Variants in HIGD1B observed in about 807,000 individuals in gnomAD.
The protein encoded by HIGD1B is HIG1 hypoxia inducible domain family member 1B, also known as HIG1 domain family member 1B.
Under a neutral mutation model 8.8 loss-of-function variants are expected in HIGD1B, and 9 were observed. The observed-to-expected ratio is 1.02, with a 90% confidence interval of 0.62 to 1.78. The LOEUF (loss-of-function observed/expected upper bound fraction) is 1.78, where lower values mean the gene tolerates loss of function less well. Among genes scored for constraint, HIGD1B ranks in the 40% most tolerant of loss-of-function variants. The pLI is 0.00. For missense variants in HIGD1B, 126 were observed against 111.8 expected (o/e 1.13, Z -0.57); for synonymous variants, 47 against 38.8 (o/e 1.21, Z -0.78).
chr17:44,849,234 G>T lies in HIGD1B; in HGVS notation c.101-20G>T. On this transcript the variant is annotated intron_variant, in intron 1 of 2. Transcript: ENST00000253410. Reference sequence around the variant, plus strand: ...TGTGCATTGTGGCTGTGGCCCAGGGGCTGTGTTCTCTGCCCACAGGCTTAG... The same window carrying T: ...TGTGCATTGTGGCTGTGGCCCAGGGTCTGTGTTCTCTGCCCACAGGCTTAG... The T allele has an allele frequency of 6.2e-7, 1 of 1,613,524 alleles. No homozygotes were observed. The highest frequency in any genetic ancestry group is 8.5e-7 in the Non-Finnish European group (1 of 1,179,676).
Position 44,848,102 on chromosome 17 carries a change from G to C in HIGD1B, c.-51G>C. On this transcript the variant is annotated 5_prime_UTR_variant, in exon 1 of 3. Transcript: ENST00000253410. ...CTGATTGTGGAGTGCCTCTCTCTAG[G>C]ACGGGGCTGCAGCATAGGAGTCTCA... The C allele has an allele frequency of 1.2e-6, 1 of 840,826 alleles. No homozygotes were observed. The highest frequency in any genetic ancestry group is 2.1e-6 in the Non-Finnish European group (1 of 479,364). 52.1% of individuals were successfully genotyped at this position (840,826 alleles called of 1,614,324 possible).
In HIGD1B at chr17:44,848,774, AAT is replaced by A. The variant is rs766139741; in HGVS notation, c.101-465_101-464del. The stretch of plus-strand genomic sequence containing the variant: ...AAATGCCATTGAAGGGCAACAACTC[AAT>A]ATATATATATATATTTTTGAGATGG... On this transcript the variant is annotated intron_variant, in intron 1 of 2. Coordinates refer to ENST00000253410, the MANE Select transcript of HIGD1B (RefSeq NM_016438.4). 5.9e-3 allele frequency among the ~76,000 whole-genome samples: 893 copies of A among 150,200 alleles called. 11 individuals are homozygous for A. Among genetic ancestry groups the A allele is most frequent in the African/African-American group, 0.02 (836 of 40,976 alleles).
chr17:44,848,299 C>A, intron 1 of HIGD1B, 47 bp downstream of exon 1: 2 of 847,856 alleles, frequency 2.4e-6, no homozygotes, highest in South Asian at 2.7e-5. Flanking sequence ...CCTTCTCTGT[C>A]ATGTCTCCTG....
chr17:44,849,494 G>C (rs747284287), intron 2 of HIGD1B, 106 bp downstream of exon 2: 20 of 1,314,210 alleles, frequency 1.5e-5, no homozygotes, highest in Non-Finnish European at 2.0e-5. Context: ...GGGCGCGGTG[G>C]TTCACGCCTG....
chr17:44,848,389 G>C lies in HIGD1B; in HGVS notation c.100+137G>C. ...CGGAACAAGGGAAACAACAGCAAAG[G>C]TGCCAAGGGGCAAACCCTTACAATG... On this transcript the variant is annotated intron_variant, in intron 1 of 2. Transcript: ENST00000253410. 4 of 621,320 alleles carry C rather than the reference G, an allele frequency of 6.4e-6. No individual in the cohort carries two copies. In the South Asian group the frequency reaches 7.7e-5, roughly 12 times the overall value. 38.5% of individuals were successfully genotyped at this position (621,320 alleles called of 1,614,324 possible).
In HIGD1B at chr17:44,849,393, G is replaced by A; in HGVS notation, c.235+5G>A. The A allele has an allele frequency of 6.2e-7, 1 of 1,613,922 alleles. No homozygotes were observed. On this transcript the variant is annotated splice_donor_5th_base_variant and intron_variant, in intron 2 of 2. Coordinates refer to ENST00000253410, the MANE Select transcript of HIGD1B (RefSeq NM_016438.4). ...CAGTGGGTGCAATCATGCTAGGTGA[G>A]TAGCTTTGTGGGGTCGCAGAATGAG...
chr17:44,849,758 CAAAAAAAAA>C (rs61617877), intron 2 of HIGD1B, among the ~76,000 whole-genome samples: 6 of 52,542 alleles, frequency 1.1e-4, no homozygotes, highest in Admixed American at 8.8e-4. Context: ...GACTCTGTCT[CAAAAAAAAA>C]AAAAAAAAAA....
upstream of HIGD1B, among the ~76,000 whole-genome samples, chr17:44,847,726 C>T (rs549733857): frequency 1.3e-5 from 2 of 152,312 alleles, no homozygotes; most frequent in East Asian, 3.9e-4. Context: ...TCTGTAGCTC[C>T]CACAGGAGAA....
chr17:44,849,283 T>C lies in HIGD1B; in HGVS notation c.130T>C (p.Tyr44His), dbSNP rs1374914985. The C allele has an allele frequency of 1.2e-6, 2 of 1,614,064 alleles. No individual in the cohort carries two copies. The highest frequency in any genetic ancestry group is 1.7e-5 in the Admixed American group (1 of 60,002). Reference protein sequence around the residue: ...GLGGCLVVAAYRIYRLRSRGS... With the variant: ...GLGGCLVVAAHRIYRLRSRGS... ...AGGAGGCTGCTTGGTGGTAGCAGCATACAGGATTTACCGGCTGAGGTCTCG... is the reference window on the plus strand; with the variant it reads ...AGGAGGCTGCTTGGTGGTAGCAGCACACAGGATTTACCGGCTGAGGTCTCG... Residue 44 changes from tyrosine to histidine, a missense_variant, in exon 2 of 3, where the codon TAC becomes CAC. Transcript: ENST00000253410.
Position 44,848,270 on chromosome 17 carries a change from T to C in HIGD1B, c.100+18T>C. 1 of 870,502 alleles carries C rather than the reference T, an allele frequency of 1.1e-6. No individual in the cohort carries two copies. Among genetic ancestry groups the C allele is most frequent in the South Asian group, 1.3e-5 (1 of 76,446 alleles). 53.9% of individuals were successfully genotyped at this position (870,502 alleles called of 1,614,324 possible). A position where few individuals can be genotyped will look rare whatever the true frequency, so the allele number is the denominator to read the frequency against. On this transcript the variant is annotated intron_variant, in intron 1 of 2. Transcript: ENST00000253410. Reference sequence around the variant, plus strand: ...GCCTATAGGTAAGTGAAGAAAGGAATGGGGTGCCGAGTAGGAGGCCTTCTC... The same window carrying C: ...GCCTATAGGTAAGTGAAGAAAGGAACGGGGTGCCGAGTAGGAGGCCTTCTC...
upstream of HIGD1B, among the ~76,000 whole-genome samples, chr17:44,847,389 C>A (rs1414309725): frequency 6.6e-6 from 1 of 152,112 alleles, no homozygotes; most frequent in Non-Finnish European, 1.5e-5. Context: ...GCCGAGATTG[C>A]GCCACTGCAG....
At chr17:44,847,142 A>G (rs1597777630), upstream of HIGD1B, among the ~76,000 whole-genome samples, 1 of 149,620 alleles carries the variant, frequency 6.7e-6, no homozygotes, top group South Asian at 2.1e-4. Flanking sequence ...GTCTCAAAAA[A>G]ACAAAAAAGG....
rs1597781885 is a variant in HIGD1B, at chr17:44,849,138, T to C, written c.101-116T>C. 1.1e-5 allele frequency: 12 copies of C among 1,057,990 alleles called. No homozygotes were observed. The East Asian group carries it at 3.1e-4, about 27-fold the overall frequency. The allele number at this position is 1,057,990 out of a possible 1,614,324, so 65.5% of individuals were successfully genotyped here. A position where few individuals can be genotyped will look rare whatever the true frequency, so the allele number is the denominator to read the frequency against. On this transcript the variant is annotated intron_variant, in intron 1 of 2. Coordinates refer to ENST00000253410, the MANE Select transcript of HIGD1B (RefSeq NM_016438.4). Reference sequence around the variant, plus strand: ...GCAACGCCCACCCCCCGCCACCAGATGCTGCATAAAACCAGCTGTTTATCC... The same window carrying C: ...GCAACGCCCACCCCCCGCCACCAGACGCTGCATAAAACCAGCTGTTTATCC...
upstream of HIGD1B, among the ~76,000 whole-genome samples, chr17:44,847,028 G>C (rs948228411): frequency 6.6e-6 from 1 of 152,118 alleles, no homozygotes; most frequent in African/African-American, 2.4e-5. Flanking sequence ...CAGCTACTTG[G>C]GAGGCTGAGG....
upstream of HIGD1B, among the ~76,000 whole-genome samples, chr17:44,845,968 G>A (rs1454281679): frequency 6.6e-6 from 1 of 151,920 alleles, no homozygotes; most frequent in African/African-American, 2.4e-5. Context: ...AGACAGCCTA[G>A]AGAGTCTGTC....
Position 44,850,433 on chromosome 17 carries a change from A to C in HIGD1B, c.*37A>C, listed in dbSNP as rs752583621. The C allele has an allele frequency of 2.0e-6, 3 of 1,471,772 alleles. No individual in the cohort carries two copies. The highest frequency in any genetic ancestry group is 1.7e-5 in the Admixed American group (1 of 57,738). 91.2% of individuals were successfully genotyped at this position (1,471,772 alleles called of 1,614,324 possible). On this transcript the variant is annotated 3_prime_UTR_variant, in exon 3 of 3. Transcript: ENST00000253410. ...GAGCCGGGGCTGTCCAACTCCCCTAACTCAATCCCTGGTACATTCCTAATA... is the reference window on the plus strand; with the variant it reads ...GAGCCGGGGCTGTCCAACTCCCCTACCTCAATCCCTGGTACATTCCTAATA...
In HIGD1B at chr17:44,847,901, T is replaced by TG; in HGVS notation, c.-248dup. On this transcript the variant is annotated 5_prime_UTR_variant, in exon 1 of 3. The change abolishes the stop of an existing upstream ORF in the 5' untranslated region. Coordinates refer to ENST00000253410, the MANE Select transcript of HIGD1B (RefSeq NM_016438.4). ...AGAAAGCAGTGAAGACAGAATGAGC[T>TG]GGGGAAGAGGCAGATGGTAGGAAAT... 1 of 393,266 alleles carries TG rather than the reference T, an allele frequency of 2.5e-6. No homozygotes were observed. The highest frequency in any genetic ancestry group is 4.7e-6 in the Non-Finnish European group (1 of 214,984). The allele number at this position is 393,266 out of a possible 1,614,324, so 24.4% of individuals were successfully genotyped here. A position where few individuals can be genotyped will look rare whatever the true frequency, so the allele number is the denominator to read the frequency against.
Position 44,849,310 on chromosome 17 carries a change from G to A in HIGD1B, c.157G>A (p.Gly53Ser). Reference sequence around the variant, plus strand: ...CAGGATTTACCGGCTGAGGTCTCGTGGTTCCACCAAGATGTCCATACACCT... The same window carrying A: ...CAGGATTTACCGGCTGAGGTCTCGTAGTTCCACCAAGATGTCCATACACCT... Reference protein sequence around the residue: ...AYRIYRLRSRGSTKMSIHLIH... With the variant: ...AYRIYRLRSRSSTKMSIHLIH... The change falls in exon 2 of 3, where the codon GGT becomes AGT. Residue 53 changes from glycine (G) to serine (S), a missense_variant. Physicochemically the swap from Gly to Ser is moderately conservative, Grantham distance 56. Transcript: ENST00000253410. 1 of 1,614,204 alleles carries A rather than the reference G, an allele frequency of 6.2e-7. No individual in the cohort carries two copies. Among genetic ancestry groups the A allele is most frequent in the East Asian group, 2.2e-5 (1 of 44,876 alleles).
Position 44,848,181 on chromosome 17 carries a change from C to A in HIGD1B, c.29C>A (p.Pro10Gln). The stretch of plus-strand genomic sequence containing the variant: ...TCTGCTAACAGACGCTGGTGGGTAC[C>A]ACCTGACGACGAAGACTGTGTGTCT... Reference protein sequence around the residue: MSANRRWWVPPDDEDCVSEK... With the variant: MSANRRWWVQPDDEDCVSEK... The change falls in exon 1 of 3, where the codon CCA (proline) becomes CAA (glutamine). Residue 10 changes from proline (P) to glutamine (Q), a missense_variant. Transcript: ENST00000253410. 3 of 872,878 alleles carry A rather than the reference C, an allele frequency of 3.4e-6. No individual in the cohort carries two copies. The highest frequency in any genetic ancestry group is 4.0e-6 in the Non-Finnish European group (2 of 501,666). 54.1% of individuals were successfully genotyped at this position (872,878 alleles called of 1,614,324 possible).
Sources: allele counts gnomAD v4.1 joint callset (sites outside exome capture counted in the v4.1 genomes callset), GRCh38; gene constraint gnomAD v4.1.1; transcripts MANE v1.5; gene names NCBI Gene and HGNC (gene_info 2026-07-23, HGNC 2026-07-21).